Variants in OPCML observed in about 807,000 individuals in gnomAD.
OPCML encodes opioid binding protein/cell adhesion molecule like.
In OPCML, 13 loss-of-function variants were observed where a neutral mutation model predicts 37.8. The ratio of observed to expected loss-of-function variants is 0.34; its 90% confidence interval spans 0.22 to 0.55. The LOEUF (loss-of-function observed/expected upper bound fraction) is 0.55, where lower values mean the gene tolerates loss of function less well. OPCML is among the 20% of genes least tolerant of loss of function. OPCML has a pLI of 0.91. For synonymous variants in OPCML, 176 were observed against 168.8 expected, an observed-to-expected ratio of 1.04 and a Z score of -0.33; for missense variants, 341 against 435.6, an observed-to-expected ratio of 0.78 and a Z score of 1.93.
intron 2 of OPCML, among the ~76,000 whole-genome samples, chr11:132,850,259 T>C (rs953129697): frequency 2.0e-5 from 3 of 152,114 alleles, no homozygotes; most frequent in African/African-American, 7.2e-5. Flanking sequence ...TGGTTATGGG[T>C]GACTGTTCTT....
chr11:132,488,191 C>A (rs2137054785), intron 4 of OPCML, among the ~76,000 whole-genome samples: 1 of 152,366 alleles, frequency 6.6e-6, no homozygotes. Context: ...TGTGAAAATA[C>A]AGTCTTGTGT....
chr11:133,489,940 C>A (rs899528558), intron 1 of OPCML, among the ~76,000 whole-genome samples: 3 of 151,854 alleles, frequency 2.0e-5, no homozygotes, highest in Admixed American at 6.6e-5. Context: ...CATGCACACA[C>A]CATGGAATAC....
chr11:133,162,321 T>A (rs1415111971), intron 1 of OPCML, among the ~76,000 whole-genome samples: 1 of 152,222 alleles, frequency 6.6e-6, no homozygotes, highest in Non-Finnish European at 1.5e-5. Context: ...CTCTCAGGGC[T>A]GGTGAGCAGG....
chr11:132,988,895 C>CA (rs1417124697), intron 1 of OPCML, among the ~76,000 whole-genome samples: 1 of 151,974 alleles, frequency 6.6e-6, no homozygotes, highest in African/African-American at 2.4e-5. Context: ...GCAACACAGT[C>CA]AAAAAATGGG....
chr11:133,275,444 G>T (rs973431760), intron 1 of OPCML, among the ~76,000 whole-genome samples: 35 of 152,256 alleles, frequency 2.3e-4, no homozygotes, highest in African/African-American at 7.0e-4. Context: ...GACAGTTGTT[G>T]ACATGATGGC....
chr11:132,420,133 G>A lies in OPCML; in HGVS notation c.*60C>T, dbSNP rs1462713431. The A allele has an allele frequency of 4.1e-6, 6 of 1,447,628 alleles. No individual in the cohort carries two copies. The highest frequency in any genetic ancestry group is 1.8e-4 in the Middle Eastern group (1 of 5,692). The allele number at this position is 1,447,628 out of a possible 1,614,324, so 89.7% of individuals were successfully genotyped here. ...CCCAAGCTGGTTTGCTCTCCGCAGT[G>A]TAGATTAAAGTCTGTGATATGGAGA... On this transcript the variant is annotated 3_prime_UTR_variant, in exon 8 of 8. Coordinates refer to ENST00000524381, the MANE Select transcript of OPCML (RefSeq NM_001012393.5).
chr11:133,297,130 A>T (rs1344708042), intron 1 of OPCML: 1 of 152,200 alleles, frequency 6.6e-6, no homozygotes, highest in Non-Finnish European at 1.5e-5. Context: ...ATTGACAGGT[A>T]GGTAGGCTTC....
At chr11:133,438,361 A>C (rs1174069580) in intron 1 of OPCML, among the ~76,000 whole-genome samples, 1 of 152,226 alleles carries the variant, frequency 6.6e-6, no homozygotes, top group Non-Finnish European at 1.5e-5. Context: ...TATAAAATCA[A>C]TTCAGCCACA....
At chr11:133,220,639 G>T (rs1939776286) in intron 1 of OPCML, among the ~76,000 whole-genome samples, 1 of 152,164 alleles carries the variant, frequency 6.6e-6, no homozygotes, top group Non-Finnish European at 1.5e-5. Context: ...GTTTCTGGAG[G>T]ATGTTCTTAC....
At chr11:132,476,547 G>A (rs2096156572) in intron 4 of OPCML, among the ~76,000 whole-genome samples, 1 of 152,100 alleles carries the variant, frequency 6.6e-6, no homozygotes, top group Non-Finnish European at 1.5e-5. Context: ...GTAGGGACAT[G>A]GATGAAGCTG....
intron 1 of OPCML, chr11:133,004,015 C>T (rs1258810969): frequency 1.0e-6 from 1 of 985,308 alleles, no homozygotes; most frequent in African/African-American, 1.7e-5. Context: ...ACACGTCTCT[C>T]ACCGCTCTGG....
At chr11:132,902,292 G>C (rs1373912863) in intron 2 of OPCML, among the ~76,000 whole-genome samples, 7 of 152,154 alleles carry the variant, frequency 4.6e-5, no homozygotes, top group Admixed American at 1.3e-4. Flanking sequence ...AGTAGTCAGG[G>C]CTCTTGGGAA....
intron 2 of OPCML, among the ~76,000 whole-genome samples, chr11:132,729,644 AG>A (rs1945008069): frequency 6.6e-6 from 1 of 152,248 alleles, no homozygotes; most frequent in Non-Finnish European, 1.5e-5. Context: ...CTCAGTCAAA[AG>A]GGTTCCAGAA....
chr11:132,730,903 G>T (rs867913560), intron 2 of OPCML, among the ~76,000 whole-genome samples: 11 of 152,202 alleles, frequency 7.2e-5, no homozygotes, highest in South Asian at 2.1e-4. Flanking sequence ...AACATGCGAA[G>T]AAAGGATTTG....
intron 2 of OPCML, among the ~76,000 whole-genome samples, chr11:132,722,812 G>A (rs1478442371): frequency 1.3e-5 from 2 of 152,184 alleles, no homozygotes; most frequent in Non-Finnish European, 2.9e-5. Context: ...GGCCCTTGCA[G>A]CGAAAGGTGA....
At chr11:133,038,461 G>A (rs1466082679) in intron 1 of OPCML, among the ~76,000 whole-genome samples, 1 of 152,154 alleles carries the variant, frequency 6.6e-6, no homozygotes, top group East Asian at 1.9e-4. Flanking sequence ...GGAGACCATG[G>A]TAATTAATAT....
chr11:133,258,828 C>T (rs1477718088), intron 1 of OPCML, among the ~76,000 whole-genome samples: 4 of 152,072 alleles, frequency 2.6e-5, no homozygotes, highest in African/African-American at 4.8e-5. Flanking sequence ...ACCCAGCCTG[C>T]CCCTGCCTGC....
At chr11:133,460,287 T>C (rs1818076489) in intron 1 of OPCML, among the ~76,000 whole-genome samples, 2 of 151,826 alleles carry the variant, frequency 1.3e-5, no homozygotes, top group African/African-American at 4.8e-5. Context: ...CTCAAATCAA[T>C]AGCCTAACTT....
intron 1 of OPCML, among the ~76,000 whole-genome samples, chr11:133,068,710 C>T (rs947862098): frequency 2.2e-4 from 33 of 152,182 alleles, no homozygotes; most frequent in African/African-American, 5.8e-4. Flanking sequence ...TTTCAGCAGA[C>T]GGATATTTTG....
Sources: gnomAD v4.1 joint callset for allele counts (sites outside exome capture counted in the v4.1 genomes callset) on GRCh38, gnomAD v4.1.1 for gene constraint, MANE v1.5 for transcripts, NCBI Gene and HGNC (gene_info 2026-07-23, HGNC 2026-07-21) for gene names.